Variants in KHDRBS2 observed in about 807,000 individuals in gnomAD.
KHDRBS2 encodes KH domain-containing, RNA-binding, signal transduction-associated protein 2.
In KHDRBS2, 26 loss-of-function variants were observed where a neutral mutation model predicts 44.3. That is an observed-to-expected ratio of 0.59 (90% CI 0.43 to 0.81). The LOEUF is 0.81. Among genes scored for constraint, KHDRBS2 ranks in the 40% least tolerant of loss-of-function variants. The pLI is 0.00. For synonymous variants in KHDRBS2, 194 were observed against 151.1 expected (o/e 1.28, Z -2.08); for missense variants, 476 against 433.1 (o/e 1.10, Z -0.88).
At chr6:61,722,770 C>T (rs1261842346) in intron 7 of KHDRBS2, among the ~76,000 whole-genome samples, 8 of 151,238 alleles carry the variant, frequency 5.3e-5, no homozygotes, top group Non-Finnish European at 7.4e-5. Flanking sequence ...AGTACAGTGG[C>T]GCGATCTTGG....
At chr6:62,080,389 T>C (rs536890316) in intron 2 of KHDRBS2, among the ~76,000 whole-genome samples, 18 of 152,252 alleles carry the variant, frequency 1.2e-4, no homozygotes, top group African/African-American at 4.3e-4. Flanking sequence ...TCAAAAACAG[T>C]TCAAAGTCAT....
rs532209912 is a variant in KHDRBS2 at position 62,248,219 on chromosome 6, GAGAC to G, written c.91+37635_91+37638del. ...AAAAATAAAAATAAAAGGAAAGAAA[GAGAC>G]AGTTACTAACACAAGAGAATGGGTA... On this transcript the variant is annotated intron_variant, in intron 1 of 8. Coordinates refer to ENST00000281156, the MANE Select transcript of KHDRBS2 (RefSeq NM_152688.4). 1.7e-4 allele frequency among the ~76,000 whole-genome samples: 26 copies of G among 151,384 alleles called. 1 individual carries two copies. The South Asian group carries it at 5.4e-3, about 32-fold the overall frequency.
the KHDRBS2 span, among the ~76,000 whole-genome samples, chr6:61,589,281 A>G: frequency 2.6e-5 from 4 of 152,186 alleles, no homozygotes; most frequent in East Asian, 7.7e-4. Flanking sequence ...TATAGATATC[A>G]AGTTAATTTC....
chr6:62,242,977 T>C (rs892282607), intron 1 of KHDRBS2, among the ~76,000 whole-genome samples: 4 of 152,150 alleles, frequency 2.6e-5, no homozygotes, highest in African/African-American at 9.7e-5. Flanking sequence ...TGTACTCAGA[T>C]CATTTTTTGC....
chr6:62,133,515 C>G (rs752895065), intron 2 of KHDRBS2, among the ~76,000 whole-genome samples: 5 of 152,126 alleles, frequency 3.3e-5, no homozygotes, highest in Non-Finnish European at 5.9e-5. Flanking sequence ...ATGTATTTAT[C>G]AGCATCATGA....
Position 61,814,732 on chromosome 6 carries a change from A to T in KHDRBS2, c.810+79903T>A, listed in dbSNP as rs191253197. Among the ~76,000 whole-genome samples, 146 of 152,258 alleles carry T rather than the reference A, an allele frequency of 9.6e-4. 1 individual carries two copies. The highest frequency in any genetic ancestry group is 3.3e-3 in the African/African-American group (138 of 41,572). ...GTGGTCAGGGGTGGGCATAAATAAC[A>T]CAGTGAAAATACAGTAGTCTCCCCT... On this transcript the variant is annotated intron_variant, in intron 6 of 8. Transcript: ENST00000281156.
At chr6:61,661,502 A>C in the KHDRBS2 span, 2 of 151,900 alleles carry the variant, frequency 1.3e-5, no homozygotes, top group African/African-American at 4.8e-5. Context: ...GCATACCCAA[A>C]ATAAACTAAA....
intron 3 of KHDRBS2, among the ~76,000 whole-genome samples, chr6:62,015,184 G>A (rs1341435841): frequency 6.6e-6 from 1 of 151,996 alleles, no homozygotes; most frequent in Non-Finnish European, 1.5e-5. Context: ...ATATTTTAAG[G>A]TAGTATACTT....
intron 7 of KHDRBS2, among the ~76,000 whole-genome samples, chr6:61,699,746 T>G (rs1204132): frequency 0.16 from 23,860 of 152,028 alleles, 2,327 homozygotes; most frequent in South Asian, 0.27. Context: ...GAGAGAACTT[T>G]GGTCATCCTT....
At chr6:61,902,022 C>A (rs1804142921) in intron 4 of KHDRBS2, among the ~76,000 whole-genome samples, 1 of 152,156 alleles carries the variant, frequency 6.6e-6, no homozygotes, top group African/African-American at 2.4e-5. Flanking sequence ...GTGGCATGAT[C>A]TTGGCTCACT....
chr6:62,140,416 C>T (rs1475789487), intron 2 of KHDRBS2, among the ~76,000 whole-genome samples: 8 of 152,114 alleles, frequency 5.3e-5, no homozygotes, highest in Non-Finnish European at 1.0e-4. Context: ...CGGGGCAAGA[C>T]TAGAGGCAGG....
intron 8 of KHDRBS2, among the ~76,000 whole-genome samples, chr6:61,689,699 C>A (rs529092020): frequency 6.6e-6 from 1 of 152,052 alleles, no homozygotes; most frequent in Non-Finnish European, 1.5e-5. Context: ...CCTGGACAAT[C>A]GCAAACTTCA....
intron 1 of KHDRBS2, among the ~76,000 whole-genome samples, chr6:62,213,992 AT>A (rs1368959513): frequency 1.3e-5 from 2 of 151,294 alleles, no homozygotes; most frequent in Non-Finnish European, 2.9e-5. Context: ...ATGATAAAAT[AT>A]TTAGCCATTT....
intron 1 of KHDRBS2, among the ~76,000 whole-genome samples, chr6:62,180,794 T>C (rs568367236): frequency 1.3e-4 from 20 of 151,898 alleles, no homozygotes; most frequent in Non-Finnish European, 2.8e-4. Context: ...CAAAATATAT[T>C]ATAAAGTCAT....
chr6:62,102,590 C>T (rs1203315618), intron 2 of KHDRBS2, among the ~76,000 whole-genome samples: 5 of 152,192 alleles, frequency 3.3e-5, no homozygotes, highest in African/African-American at 4.8e-5. Context: ...CTGTTACACT[C>T]TTTCAGTCCT....
chr6:62,126,131 CCTAGGCCTGGCAGCAT>C (rs1808907170), intron 2 of KHDRBS2, among the ~76,000 whole-genome samples: 1 of 152,110 alleles, frequency 6.6e-6, no homozygotes, highest in Non-Finnish European at 1.5e-5. Flanking sequence ...AAAGGAGAGT[CCTAGGCCTGGCAGCAT>C]TTACCACAAG....
At chr6:62,187,912 G>C (rs1823772345) in intron 1 of KHDRBS2, among the ~76,000 whole-genome samples, 1 of 152,066 alleles carries the variant, frequency 6.6e-6, no homozygotes, top group Non-Finnish European at 1.5e-5. Flanking sequence ...GCTCATGATT[G>C]TCAGCAGTAG....
chr6:61,629,818 CTT>C, the KHDRBS2 span, among the ~76,000 whole-genome samples: 1 of 152,166 alleles, frequency 6.6e-6, no homozygotes, highest in Admixed American at 6.5e-5. Context: ...TGAAAATTTA[CTT>C]TTCTGCAAAG....
At position 62,192,235 on chromosome 6, in the gene KHDRBS2, C is replaced by T. The variant is rs147575101; in HGVS notation, c.92-14923G>A. Among the ~76,000 whole-genome samples the T allele has an allele frequency of 4.9e-3, 745 of 152,110 alleles. 7 individuals carry two copies. The highest frequency in any genetic ancestry group is 0.016 in the African/African-American group (685 of 41,526). Reference sequence around the variant, plus strand: ...AATTGGGAACAACCTGTACTCATTACTAAGTTATTTCTGATTTTCTCACAT... The same window carrying T: ...AATTGGGAACAACCTGTACTCATTATTAAGTTATTTCTGATTTTCTCACAT... On this transcript the variant is annotated intron_variant, in intron 1 of 8. Coordinates refer to ENST00000281156, the MANE Select transcript of KHDRBS2 (RefSeq NM_152688.4).
Sources: allele counts gnomAD v4.1 joint callset (sites outside exome capture counted in the v4.1 genomes callset), GRCh38; gene constraint gnomAD v4.1.1; transcripts MANE v1.5; gene names NCBI Gene and HGNC (gene_info 2026-07-23, HGNC 2026-07-21).